TNRC6A: variants seen among roughly 807,000 people sequenced by gnomAD.
The protein encoded by TNRC6A is trinucleotide repeat-containing gene 6A protein.
A neutral mutation model predicts 221.2 loss-of-function variants in TNRC6A; 44 were observed. The ratio of observed to expected loss-of-function variants is 0.20; its 90% confidence interval spans 0.16 to 0.26. The LOEUF is 0.26. TNRC6A is among the 10% of genes least tolerant of loss of function. TNRC6A has a pLI of 1.00. For missense variants in TNRC6A, 2,199 were observed against 2,404.4 expected (o/e 0.91, Z 1.79); for synonymous variants, 847 against 838.5 (o/e 1.01, Z -0.18).
chr16:24,814,298 G>A lies in TNRC6A; in HGVS notation c.4673-849G>A, dbSNP rs72770423. ...CATAGTGGGAGCCGGCTGGAGTTGC[G>A]AGCGAGGTTCTATTTGCATCCACCT... On this transcript the variant is annotated intron_variant, in intron 18 of 24. Coordinates refer to ENST00000395799, the MANE Select transcript of TNRC6A (RefSeq NM_014494.4). Among the ~76,000 whole-genome samples, 1,182 of 152,140 alleles carry A rather than the reference G, an allele frequency of 7.8e-3. 11 individuals are homozygous for A. The highest frequency in any genetic ancestry group is 0.011 in the Non-Finnish European group (751 of 67,996).
intron 2 of TNRC6A, among the ~76,000 whole-genome samples, chr16:24,741,881 G>A (rs1426893595): frequency 6.6e-6 from 1 of 152,076 alleles, no homozygotes; most frequent in East Asian, 1.9e-4. Flanking sequence ...CTGTTGCCTA[G>A]GCTGGAATAC....
chr16:24,649,254 T>C (rs1596592983), intron 2 of TNRC6A, among the ~76,000 whole-genome samples: 2 of 152,236 alleles, frequency 1.3e-5, no homozygotes, highest in East Asian at 3.8e-4. Flanking sequence ...CTATTTAACA[T>C]ATGCATGTTA....
chr16:24,669,896 T>C (rs2055254017), intron 2 of TNRC6A, among the ~76,000 whole-genome samples: 1 of 150,874 alleles, frequency 6.6e-6, no homozygotes, highest in African/African-American at 2.4e-5. Flanking sequence ...TAATGCTATA[T>C]GCATCCACTC....
intron 2 of TNRC6A, among the ~76,000 whole-genome samples, chr16:24,651,667 T>C (rs892464840): frequency 6.6e-6 from 1 of 150,378 alleles, no homozygotes; most frequent in Non-Finnish European, 1.5e-5. Context: ...GAGACCAGCC[T>C]GGGCAACATA....
chr16:24,816,946 C>T lies in TNRC6A; in HGVS notation c.4962C>T (p.Asp1654=), dbSNP rs1437362813. Residue 1654 remains aspartate (D), a synonymous_variant, in exon 20 of 25, where the codon GAC becomes GAT. Transcript: ENST00000395799. ...NTVREVDHLR[D]RNSGSSSSLN... ...TGCGGGAAGTTGACCACCTCAGGGA[C>T]AGGAACAGTGGTACGTAGGGGGTGC... The T allele has an allele frequency of 6.2e-7, 1 of 1,613,234 alleles. No homozygotes were observed. Among genetic ancestry groups the T allele is most frequent in the Admixed American group, 1.7e-5 (1 of 59,738 alleles).
chr16:24,689,324 G>A (rs935376488), intron 2 of TNRC6A, among the ~76,000 whole-genome samples: 9 of 152,212 alleles, frequency 5.9e-5, no homozygotes, highest in Admixed American at 1.3e-4. Context: ...CCCTCTGGTG[G>A]CAGCGAGGAA....
chr16:24,717,207 C>A (rs1427201602), intron 2 of TNRC6A, among the ~76,000 whole-genome samples: 1 of 152,092 alleles, frequency 6.6e-6, no homozygotes, highest in Non-Finnish European at 1.5e-5. Flanking sequence ...TGACCAGCCT[C>A]CCAAGTAGCT....
chr16:24,811,173 C>T (rs1018543098), intron 18 of TNRC6A, among the ~76,000 whole-genome samples: 3 of 152,200 alleles, frequency 2.0e-5, no homozygotes, highest in African/African-American at 4.8e-5. Flanking sequence ...ACGGTCCTGG[C>T]ACACTTTGGA....
intron 2 of TNRC6A, among the ~76,000 whole-genome samples, chr16:24,702,001 G>A (rs900096221): frequency 9.9e-5 from 15 of 151,378 alleles, no homozygotes; most frequent in African/African-American, 3.6e-4. Flanking sequence ...AAAAAAACAC[G>A]CCTCTCAATA....
At chr16:24,639,896 G>A (rs1199107076) in intron 1 of TNRC6A, among the ~76,000 whole-genome samples, 1 of 152,152 alleles carries the variant, frequency 6.6e-6, no homozygotes, top group Non-Finnish European at 1.5e-5. Flanking sequence ...AGCTCAAACA[G>A]TCCTCCCACT....
Position 24,652,582 on chromosome 16 carries a change from T to C in TNRC6A, n.402+11573T>C, listed in dbSNP as rs139108874. 2.5e-3 allele frequency among the ~76,000 whole-genome samples: 386 copies of C among 152,334 alleles called. 2 individuals are homozygous for C. The highest frequency in any genetic ancestry group is 8.8e-3 in the African/African-American group (364 of 41,574). On this transcript the variant is annotated intron_variant and non_coding_transcript_variant, in intron 2 of 2. Coordinates refer to the TNRC6A transcript ENST00000566108. ...TTTTCCAGCATACCAATTGTTCTTA[T>C]AGCCCTTGTTTTCATAATCACTGTC...
At chr16:24,707,885 C>A (rs1349457611) in intron 2 of TNRC6A, among the ~76,000 whole-genome samples, 4 of 152,118 alleles carry the variant, frequency 2.6e-5, no homozygotes, top group Non-Finnish European at 1.5e-5. Context: ...ATGTCAAAAC[C>A]CTGTCTCTAC....
In TNRC6A at chr16:24,789,258, C is replaced by G. The variant is rs774652403; in HGVS notation, c.616C>G (p.His206Asp). The G allele has an allele frequency of 5.0e-6, 8 of 1,608,016 alleles. No homozygotes were observed. Among genetic ancestry groups the G allele is most frequent in the Non-Finnish European group, 6.8e-6 (8 of 1,176,790 alleles). ...SDINHSTSGS[H>D]YENSQRGPVS... Reference sequence around the variant, plus strand: ...TATAAACCACAGTACTTCAGGATCCCATTATGAAAATTCCCAGCGGGGACC... The same window carrying G: ...TATAAACCACAGTACTTCAGGATCCGATTATGAAAATTCCCAGCGGGGACC... Residue 206 changes from histidine to aspartate, a missense_variant, in exon 6 of 25, where the codon CAT (histidine) becomes GAT (aspartate). Physicochemically the swap from His to Asp is moderately conservative, Grantham distance 81. This residue lies in a region of TNRC6A where 1,405 missense variants were observed against 1,400.2 expected (regional missense o/e 1.00). Coordinates refer to ENST00000395799, the MANE Select transcript of TNRC6A (RefSeq NM_014494.4).
chr16:24,682,389 C>CTT (rs563276976), intron 2 of TNRC6A, among the ~76,000 whole-genome samples: 34,198 of 130,172 alleles, frequency 0.26, 4,689 homozygotes, highest in South Asian at 0.34. Flanking sequence ...CCACGCCCAG[C>CTT]TTTTTTTTTT....
At chr16:24,704,664 C>CAAAAAAAAAAAA (rs58926085) in intron 2 of TNRC6A, among the ~76,000 whole-genome samples, 90 of 69,438 alleles carry the variant, frequency 1.3e-3, no homozygotes, top group Non-Finnish European at 1.9e-3. Flanking sequence ...GACTCCGTCT[C>CAAAAAAAAAAAA]AAAAAAAAAA....
At chr16:24,732,386 G>C (rs1048373990) in intron 2 of TNRC6A, among the ~76,000 whole-genome samples, 2 of 152,198 alleles carry the variant, frequency 1.3e-5, no homozygotes, top group Non-Finnish European at 2.9e-5. Context: ...CACTAAGCCA[G>C]GGAAGAATGT....
intron 4 of TNRC6A, among the ~76,000 whole-genome samples, chr16:24,774,722 T>C (rs554607867): frequency 5.9e-5 from 9 of 152,368 alleles, no homozygotes; most frequent in African/African-American, 2.2e-4. Flanking sequence ...AGCATTTTTA[T>C]GTTCCTCATA....
chr16:24,799,504 A>C (rs538906433), intron 11 of TNRC6A, among the ~76,000 whole-genome samples: 57 of 152,318 alleles, frequency 3.7e-4, no homozygotes, highest in African/African-American at 1.3e-3. Context: ...TGTATTCATC[A>C]CTGGCTATAT....
intron 2 of TNRC6A, among the ~76,000 whole-genome samples, chr16:24,675,702 C>CTCTA (rs1180245687): frequency 2.5e-3 from 84 of 33,230 alleles, no homozygotes; most frequent in Non-Finnish European, 2.8e-3. Context: ...CTCTCTCTCT[C>CTCTA]TATATATATA....
Sources: gnomAD v4.1 joint callset for allele counts (sites outside exome capture counted in the v4.1 genomes callset) on GRCh38, gnomAD v4.1.1 for gene constraint, gnomAD v4.1.1 regional missense constraint, MANE v1.5 for transcripts, NCBI Gene and HGNC (gene_info 2026-07-23, HGNC 2026-07-21) for gene names.